ATRNL1: variants seen among roughly 807,000 people sequenced by gnomAD.
ATRNL1 encodes the protein attractin like 1.
In ATRNL1, 95 loss-of-function variants were observed where a neutral mutation model predicts 182.7. That is an observed-to-expected ratio of 0.52 (90% CI 0.44 to 0.62). The LOEUF is 0.62. Ranked by LOEUF, ATRNL1 falls within the 20% of genes least tolerant of loss-of-function variation. The pLI is 0.00. For synonymous variants in ATRNL1, 576 were observed against 568.3 expected, an observed-to-expected ratio of 1.01 and a Z score of -0.19; for missense variants, 1,471 against 1,679.5, an observed-to-expected ratio of 0.88 and a Z score of 2.17.
chr10:115,139,311 G>A (rs369077472), intron 5 of ATRNL1, among the ~76,000 whole-genome samples: 13 of 152,182 alleles, frequency 8.5e-5, no homozygotes, highest in East Asian at 7.7e-4. Context: ...CTTTTCAGCC[G>A]CGCTCCACTC....
chr10:115,892,705 A>G (rs1393323396), intron 28 of ATRNL1, among the ~76,000 whole-genome samples: 1 of 152,210 alleles, frequency 6.6e-6, no homozygotes, highest in African/African-American at 2.4e-5. Context: ...TTGAATTCCG[A>G]TTGAAATCAT....
chr10:115,561,058 G>T (rs1853674889), intron 26 of ATRNL1, among the ~76,000 whole-genome samples: 3 of 151,906 alleles, frequency 2.0e-5, no homozygotes, highest in African/African-American at 4.8e-5. Flanking sequence ...ACTCTTAGAA[G>T]AAAATACAGA....
intron 27 of ATRNL1, among the ~76,000 whole-genome samples, chr10:115,782,276 A>G (rs972268860): frequency 3.9e-5 from 6 of 152,212 alleles, no homozygotes; most frequent in South Asian, 2.1e-4. Context: ...TTTACAGTTT[A>G]TTTAACCAAG....
intron 5 of ATRNL1, among the ~76,000 whole-genome samples, chr10:115,136,008 C>A (rs1166502829): frequency 6.6e-6 from 1 of 151,100 alleles, no homozygotes; most frequent in Non-Finnish European, 1.5e-5. Context: ...ACAGGTTGCA[C>A]ACCACCATTC....
chr10:115,837,482 AC>A (rs1950703895), intron 27 of ATRNL1, among the ~76,000 whole-genome samples: 1 of 37,288 alleles, frequency 2.7e-5, no homozygotes, highest in African/African-American at 8.6e-5. Flanking sequence ...ACACACACAC[AC>A]ACACACACAC....
chr10:115,870,489 A>C (rs1228065084), intron 28 of ATRNL1, among the ~76,000 whole-genome samples: 1 of 152,230 alleles, frequency 6.6e-6, no homozygotes, highest in African/African-American at 2.4e-5. Context: ...ACATACCTGC[A>C]TCCTAAAAGC....
chr10:115,706,943 A>G (rs10787589), intron 26 of ATRNL1, among the ~76,000 whole-genome samples: 57,147 of 151,640 alleles, frequency 0.38, 11,673 homozygotes, highest in East Asian at 0.64. Context: ...AATTCTTCCA[A>G]TGCAGTCTCT....
In ATRNL1 at chr10:115,937,048, G is replaced by A. The variant is rs117972891; in HGVS notation, c.4019-7610G>A. On this transcript the variant is annotated intron_variant, in intron 28 of 28. Transcript: ENST00000355044. ...CTGATGAGATCACTTGCCAAGAACC[G>A]TGAGGATTTGCATTAAAAACAATGA... Among the ~76,000 whole-genome samples, 1,319 of 152,264 alleles carry A rather than the reference G, an allele frequency of 8.7e-3. 5 individuals carry two copies. The highest frequency in any genetic ancestry group is 0.017 in the South Asian group (83 of 4,832).
intron 13 of ATRNL1, among the ~76,000 whole-genome samples, chr10:115,279,836 A>G (rs962301554): frequency 7.9e-5 from 12 of 152,148 alleles, no homozygotes. Flanking sequence ...TCCCTATTCA[A>G]CATTTTCCAC....
intron 26 of ATRNL1, among the ~76,000 whole-genome samples, chr10:115,608,620 T>C (rs1555018182): frequency 6.6e-6 from 1 of 152,092 alleles, no homozygotes; most frequent in Non-Finnish European, 1.5e-5. Context: ...GATTTTTTAT[T>C]ATTAAAGATA....
At chr10:115,501,004 C>T (rs1849806907) in intron 24 of ATRNL1, among the ~76,000 whole-genome samples, 1 of 130,582 alleles carries the variant, frequency 7.7e-6, no homozygotes, top group African/African-American at 2.9e-5. Flanking sequence ...GCTCCACTTA[C>T]TGCAACCTCT....
chr10:115,933,306 C>T (rs782194106), intron 28 of ATRNL1, among the ~76,000 whole-genome samples: 7 of 152,226 alleles, frequency 4.6e-5, no homozygotes, highest in Non-Finnish European at 8.8e-5. Context: ...AGAAACCACA[C>T]ACCTAACCAT....
At chr10:115,116,334 G>T (rs533003487) in intron 1 of ATRNL1, among the ~76,000 whole-genome samples, 3 of 152,132 alleles carry the variant, frequency 2.0e-5, no homozygotes, top group African/African-American at 7.2e-5. Flanking sequence ...ATTAGAAATA[G>T]TAGTTATGTA....
intron 21 of ATRNL1, among the ~76,000 whole-genome samples, chr10:115,434,351 A>G (rs974265203): frequency 6.6e-6 from 1 of 152,162 alleles, no homozygotes; most frequent in Non-Finnish European, 1.5e-5. Context: ...TTTTATATGT[A>G]TTAGCTTATG....
chr10:115,614,995 T>G lies in ATRNL1; in HGVS notation c.3795+65459T>G, dbSNP rs368449863. Among the ~76,000 whole-genome samples the G allele has an allele frequency of 1.4e-4, 22 of 152,234 alleles. No individual in the cohort carries two copies. The East Asian group carries it at 3.3e-3, about 23-fold the overall frequency. On this transcript the variant is annotated intron_variant, in intron 26 of 28. Transcript: ENST00000355044. The stretch of plus-strand genomic sequence containing the variant: ...ATCAATTCAGCAGTTCTGTATTTTT[T>G]CATATGGGAATTTAAAGTGTTTACA...
chr10:115,402,561 C>T (rs1345825917), intron 20 of ATRNL1, among the ~76,000 whole-genome samples: 2 of 152,054 alleles, frequency 1.3e-5, no homozygotes, highest in African/African-American at 4.8e-5. Flanking sequence ...GTGAAAAGTA[C>T]ATATAAATGG....
At chr10:115,651,588 T>C (rs909287604) in intron 26 of ATRNL1, among the ~76,000 whole-genome samples, 1 of 152,278 alleles carries the variant, frequency 6.6e-6, no homozygotes, top group African/African-American at 2.4e-5. Flanking sequence ...TTCCTGGATG[T>C]GTAGGTTAAC....
intron 26 of ATRNL1, among the ~76,000 whole-genome samples, chr10:115,559,450 G>GCGCA (rs1554998461): frequency 3.1e-5 from 4 of 128,618 alleles, no homozygotes; most frequent in South Asian, 2.4e-4. Context: ...GTGTGCGCGC[G>GCGCA]CGCACGCACG....
chr10:115,367,898 C>A (rs1354965428), intron 19 of ATRNL1, among the ~76,000 whole-genome samples: 1 of 149,846 alleles, frequency 6.7e-6, no homozygotes, highest in East Asian at 2.0e-4. Context: ...CAGCTGCGTG[C>A]TGGGAGAACC....
Sources: allele counts gnomAD v4.1 joint callset (sites outside exome capture counted in the v4.1 genomes callset), GRCh38; gene constraint gnomAD v4.1.1; transcripts MANE v1.5; gene names NCBI Gene and HGNC (gene_info 2026-07-23, HGNC 2026-07-21).